ATF6: variants seen among roughly 807,000 people sequenced by gnomAD.
ATF6 encodes activating transcription factor 6, also known as cyclic AMP-dependent transcription factor ATF-6 alpha.
Under a neutral mutation model 83.6 loss-of-function variants are expected in ATF6, and 53 were observed. The ratio of observed to expected loss-of-function variants is 0.63; its 90% CI spans 0.51 to 0.80. ATF6 has a LOEUF of 0.80. ATF6 is among the 30% of genes least tolerant of loss of function. The pLI is 0.00. For synonymous variants in ATF6, 288 were observed against 285.8 expected (o/e 1.01, Z -0.08); for missense variants, 744 against 797.9 (o/e 0.93, Z 0.81).
At chr1:161,879,704 A>G (rs773903685) in intron 14 of ATF6, among the ~76,000 whole-genome samples, 14 of 152,062 alleles carry the variant, frequency 9.2e-5, no homozygotes, top group Non-Finnish European at 1.9e-4. Context: ...CTGTATTATT[A>G]TATCTTTATG....
chr1:161,936,864 G>T (rs923776509), intron 15 of ATF6, among the ~76,000 whole-genome samples: 3 of 152,032 alleles, frequency 2.0e-5, no homozygotes, highest in Non-Finnish European at 4.4e-5. Flanking sequence ...ACCTTCTCCT[G>T]TAGTCTTCTC....
chr1:161,798,442 T>G (rs902461116), intron 6 of ATF6, among the ~76,000 whole-genome samples: 1 of 152,108 alleles, frequency 6.6e-6, no homozygotes, highest in African/African-American at 2.4e-5. Context: ...TGAAACCCCA[T>G]CTCTACTAAA....
intron 7 of ATF6, among the ~76,000 whole-genome samples, chr1:161,810,512 A>G (rs184326145): frequency 2.0e-5 from 3 of 152,282 alleles, no homozygotes; most frequent in South Asian, 2.1e-4. Context: ...TCTAGATCAT[A>G]TCACACCCCT....
At chr1:161,776,492 A>G (rs578134603) in intron 1 of ATF6, among the ~76,000 whole-genome samples, 1 of 152,314 alleles carries the variant, frequency 6.6e-6, no homozygotes, top group African/African-American at 2.4e-5. Flanking sequence ...GAAGGGAAGG[A>G]AGAATGGGAG....
At chr1:161,766,542 C>A in intron 1 of ATF6, 100 bp downstream of exon 1, 1 of 1,093,838 alleles carries the variant, frequency 9.1e-7, no homozygotes, top group Non-Finnish European at 1.3e-6. Flanking sequence ...TGTGGACCAA[C>A]CCTGCCTGGG....
intron 9 of ATF6, among the ~76,000 whole-genome samples, chr1:161,836,485 C>T (rs549453872): frequency 1.3e-5 from 2 of 152,260 alleles, no homozygotes; most frequent in African/African-American, 4.8e-5. Context: ...ATCTGAGTAC[C>T]AGGTGTTACT....
At chr1:161,857,814 AG>A (rs925024802) in intron 12 of ATF6, among the ~76,000 whole-genome samples, 19 of 151,772 alleles carry the variant, frequency 1.3e-4, no homozygotes, top group Non-Finnish European at 1.6e-4. Context: ...TAAGAACACA[AG>A]GGGGGGAGGG....
chr1:161,775,864 C>A (rs1413678384), intron 1 of ATF6, among the ~76,000 whole-genome samples: 1 of 151,266 alleles, frequency 6.6e-6, no homozygotes, highest in African/African-American at 2.4e-5. Context: ...GACCTCTTAG[C>A]AGACAGAACT....
intron 14 of ATF6, among the ~76,000 whole-genome samples, chr1:161,885,563 T>C (rs1285091990): frequency 6.6e-6 from 1 of 152,160 alleles, no homozygotes; most frequent in Non-Finnish European, 1.5e-5. Context: ...CTGTTAGATT[T>C]CCAAAATGGG....
intron 7 of ATF6, among the ~76,000 whole-genome samples, chr1:161,817,886 A>T (rs1685650766): frequency 6.6e-6 from 1 of 152,016 alleles, no homozygotes; most frequent in African/African-American, 2.4e-5. Flanking sequence ...TCAGGAGGTC[A>T]GGAGATTGAG....
chr1:161,835,597 T>G (rs4657114), intron 9 of ATF6, among the ~76,000 whole-genome samples: 21,551 of 152,200 alleles, frequency 0.14, 2,093 homozygotes, highest in East Asian at 0.31. Context: ...GTAAAAGCAC[T>G]TATTCATTAG....
chr1:161,952,887 C>G (rs1688893254), intron 15 of ATF6, among the ~76,000 whole-genome samples: 2 of 152,112 alleles, frequency 1.3e-5, no homozygotes, highest in Non-Finnish European at 2.9e-5. Context: ...AAAAACAATG[C>G]TCCCAGCAAA....
intron 2 of ATF6, among the ~76,000 whole-genome samples, chr1:161,781,232 A>C (rs1286731817): frequency 6.6e-6 from 1 of 152,214 alleles, no homozygotes; most frequent in Non-Finnish European, 1.5e-5. Flanking sequence ...CACCTAAATG[A>C]AAAGAACTTA....
intron 6 of ATF6, among the ~76,000 whole-genome samples, chr1:161,796,176 AG>A (rs1243440562): frequency 6.6e-6 from 1 of 152,202 alleles, no homozygotes; most frequent in African/African-American, 2.4e-5. Context: ...AATTAGTTTA[AG>A]AAATATTACA....
In ATF6 at chr1:161,783,716, G is replaced by T. The variant is rs113062223; in HGVS notation, c.248-274G>T. ...AGTTTCTTCTGTTTACCCTTCCAGA[G>T]AATTAGTGCAGATGCAAGTGTACAC... is the stretch of plus-strand genomic sequence containing the variant. On this transcript the variant is annotated intron_variant, in intron 3 of 15. Coordinates refer to ENST00000367942, the MANE Select transcript of ATF6 (RefSeq NM_007348.4). 9.8e-3 allele frequency among the ~76,000 whole-genome samples: 1,489 copies of T among 151,664 alleles called. 8 individuals are homozygous for T. The highest frequency in any genetic ancestry group is 0.017 in the South Asian group (82 of 4,794).
chr1:161,885,505 A>G (rs1687401651), intron 14 of ATF6, among the ~76,000 whole-genome samples: 1 of 152,152 alleles, frequency 6.6e-6, no homozygotes, highest in Non-Finnish European at 1.5e-5. Context: ...GATGGGAGGA[A>G]AAAAGAAATA....
chr1:161,925,399 C>T (rs1236614227), intron 15 of ATF6, among the ~76,000 whole-genome samples: 1 of 152,074 alleles, frequency 6.6e-6, no homozygotes, highest in Admixed American at 6.5e-5. Context: ...ATTTTATTTG[C>T]TGATTTGGAT....
In ATF6 at chr1:161,936,601, C is replaced by T. The variant is rs114491005; in HGVS notation, c.1805-21845C>T. Among the ~76,000 whole-genome samples the T allele has an allele frequency of 4.9e-3, 750 of 152,174 alleles. 6 individuals are homozygous for T. Among genetic ancestry groups the T allele is most frequent in the Non-Finnish European group, 8.6e-3 (583 of 68,016 alleles). On this transcript the variant is annotated intron_variant, in intron 15 of 15. Transcript: ENST00000367942. ...AAATTTCATCTTGTTGGAGTTTGCT[C>T]GTTTTCTTCTTACCTATGAAGCTGT...
At chr1:161,780,341 A>C (rs1157606007) in intron 2 of ATF6, among the ~76,000 whole-genome samples, 1 of 151,990 alleles carries the variant, frequency 6.6e-6, no homozygotes, top group Non-Finnish European at 1.5e-5. Flanking sequence ...ATACATTTTT[A>C]CTTTTTTTGC....
Sources: allele counts gnomAD v4.1 joint callset (sites outside exome capture counted in the v4.1 genomes callset), GRCh38; gene constraint gnomAD v4.1.1; transcripts MANE v1.5; gene names NCBI Gene and HGNC (gene_info 2026-07-23, HGNC 2026-07-21).